LAIR1: variants seen among roughly 807,000 people sequenced by gnomAD.
The protein encoded by LAIR1 is leukocyte associated immunoglobulin like receptor 1, also known as leukocyte-associated immunoglobulin-like receptor 1.
A neutral mutation model predicts 32.8 loss-of-function variants in LAIR1; 24 were observed. That is an observed-to-expected ratio of 0.73 (90% CI 0.53 to 1.03). LAIR1 has a LOEUF of 1.03. Among genes scored for constraint, LAIR1 ranks in the 50% least tolerant of loss-of-function variants. The probability of loss-of-function intolerance (pLI) is 0.00; values close to 1 mark genes in which losing one functional copy is unlikely to be tolerated. For synonymous variants in LAIR1, 150 were observed against 140.5 expected, an observed-to-expected ratio of 1.07 and a Z score of -0.48; for missense variants, 355 against 347.5, an observed-to-expected ratio of 1.02 and a Z score of -0.17.
chr19:54,351,772 C>T lies in LAIR1; in HGVS notation c.*3496G>A, dbSNP rs1345583998. ...GAGAGTGTTTTAAATGGGGCTATGA[C>T]AGAGAAGGTAGACGAGGTGTTGGGC... On this transcript the variant is annotated 3_prime_UTR_variant, in exon 10 of 10. Transcript: ENST00000391742. 1 of 27,510 alleles carries T rather than the reference C, an allele frequency of 3.6e-5. No individual in the cohort carries two copies. Among genetic ancestry groups the T allele is most frequent in the Non-Finnish European group, 6.8e-5 (1 of 14,718 alleles). The allele number at this position is 27,510 out of a possible 1,614,324, so 1.7% of individuals were successfully genotyped here.
At chr19:54,356,672 T>G in intron 5 of LAIR1, 53 bp from the exon 6 acceptor site, 4 of 1,551,728 alleles carry the variant, frequency 2.6e-6, no homozygotes, top group Non-Finnish European at 3.6e-6. Context: ...GAGCACCTAC[T>G]GTATACCACA....
chr19:54,374,033 G>C (rs1421684217), upstream of LAIR1, among the ~76,000 whole-genome samples: 1 of 152,194 alleles, frequency 6.6e-6, no homozygotes, highest in Non-Finnish European at 1.5e-5. Flanking sequence ...AAAGTCCCTT[G>C]GTGGGGGTAG....
At chr19:54,359,348 A>T (rs1011743570) in intron 4 of LAIR1, among the ~76,000 whole-genome samples, 9 of 151,388 alleles carry the variant, frequency 5.9e-5, no homozygotes, top group Non-Finnish European at 1.2e-4. Context: ...GGGCAGCTTC[A>T]ATCCCATCAC....
In LAIR1 at chr19:54,356,015, GA is replaced by G. The variant is rs748642547; in HGVS notation, c.665-10del. Reference sequence around the variant, plus strand: ...ATTGACTGTGGCCTTGTCTTGGGGAGAAAATACATGGTCAGTTTTCTGGGGA... The same window carrying G: ...ATTGACTGTGGCCTTGTCTTGGGGAGAAATACATGGTCAGTTTTCTGGGGA... On this transcript the variant is annotated splice_polypyrimidine_tract_variant and intron_variant, in intron 8 of 9. Coordinates refer to ENST00000391742, the MANE Select transcript of LAIR1 (RefSeq NM_002287.6). 3 of 1,604,854 alleles carry G rather than the reference GA, an allele frequency of 1.9e-6. No homozygotes were observed. The South Asian group carries it at 3.3e-5, about 18-fold the overall frequency.
exon 1 of LAIR1, chr19:54,370,424 G>A (rs4281841): frequency 0.067 from 37,154 of 552,932 alleles, 4,199 homozygotes; most frequent in African/African-American, 0.38. Context: ...GGCTTTCCAC[G>A]GGCTGCCACC....
intron 4 of LAIR1, chr19:54,358,125 A>G (rs961623271): frequency 1.0e-4 from 15 of 145,478 alleles, no homozygotes; most frequent in Non-Finnish European, 1.9e-4. Context: ...TATTCACTAT[A>G]ATATATAATG....
At chr19:54,366,644 A>G (rs908918825), upstream of LAIR1, among the ~76,000 whole-genome samples, 1 of 151,840 alleles carries the variant, frequency 6.6e-6, no homozygotes, top group African/African-American at 2.4e-5. Flanking sequence ...ACCCACCACC[A>G]CGCCCGGCTA....
rs199714928 is a variant in LAIR1 at position 54,354,437 on chromosome 19, T to G, written c.*831A>C. On this transcript the variant is annotated 3_prime_UTR_variant, in exon 10 of 10. Transcript: ENST00000391742. ...TTCAGAATATCTAATGTATCGTATCTGTGGCGATGGGTGCGCTGAGGAATT... is the reference window on the plus strand; with the variant it reads ...TTCAGAATATCTAATGTATCGTATCGGTGGCGATGGGTGCGCTGAGGAATT... The G allele has an allele frequency of 6.6e-6, 1 of 152,248 alleles. No individual in the cohort carries two copies. The highest frequency in any genetic ancestry group is 6.5e-5 in the Admixed American group (1 of 15,282). 9.4% of individuals were successfully genotyped at this position (152,248 alleles called of 1,614,324 possible). A position where few individuals can be genotyped will look rare whatever the true frequency, so the allele number is the denominator to read the frequency against.
intron 5 of LAIR1, 89 bp from the exon 6 acceptor site, chr19:54,356,708 T>C (rs1247630723): frequency 8.2e-6 from 11 of 1,335,564 alleles, no homozygotes; most frequent in Non-Finnish European, 1.1e-5. Flanking sequence ...TTTCATAGAC[T>C]TACTAATATA....
In LAIR1 at chr19:54,355,221, T is replaced by C. The variant is rs542269242; in HGVS notation, c.*47A>G. 1 of 1,497,560 alleles carries C rather than the reference T, an allele frequency of 6.7e-7. No individual in the cohort carries two copies. The highest frequency in any genetic ancestry group is 9.0e-7 in the Non-Finnish European group (1 of 1,116,590). The allele number at this position is 1,497,560 out of a possible 1,614,324, so 92.8% of individuals were successfully genotyped here. A position where few individuals can be genotyped will look rare whatever the true frequency, so the allele number is the denominator to read the frequency against. ...CCAAATGGCTGCTTCAGGCTTTTCC[T>C]AGAGTGACTTTCTACCCTCAGGTGC... On this transcript the variant is annotated 3_prime_UTR_variant, in exon 10 of 10. Coordinates refer to ENST00000391742, the MANE Select transcript of LAIR1 (RefSeq NM_002287.6). This position sits in a 1 kb window ranked among gnomAD's most constrained non-coding sequence, Gnocchi z 4.7.
rs574160060 is a variant in LAIR1, at chr19:54,370,057, G to A, written c.16+205C>T. ...TTCCTGAGCAACCCTGGCTTGGCTC[G>A]GCCAAAGGGAAGCGTCTACAGAATC... is the stretch of plus-strand genomic sequence containing the variant. On this transcript the variant is annotated intron_variant, in intron 1 of 8. Coordinates refer to the LAIR1 transcript ENST00000391743. 6.7e-4 allele frequency among the ~76,000 whole-genome samples: 99 copies of A among 147,700 alleles called. 3 individuals carry two copies. The highest frequency in any genetic ancestry group is 1.0e-3 in the Admixed American group (15 of 14,966).
upstream of LAIR1, among the ~76,000 whole-genome samples, chr19:54,372,263 C>T (rs1002332857): frequency 4.0e-5 from 6 of 151,594 alleles, 1 homozygote; most frequent in African/African-American, 1.2e-4. Flanking sequence ...TGAGAGTTCC[C>T]GTTGCTCCAC....
intron 2 of LAIR1, among the ~76,000 whole-genome samples, chr19:54,362,638 C>A (rs1251372134): frequency 1.3e-5 from 2 of 152,200 alleles, no homozygotes; most frequent in Non-Finnish European, 2.9e-5. Context: ...GTGCACTCCA[C>A]CACGCCCAGC....
chr19:54,368,521 C>G (rs1295380512), upstream of LAIR1: 2 of 152,066 alleles, frequency 1.3e-5, no homozygotes, highest in African/African-American at 4.8e-5. Flanking sequence ...TCAAAGGATC[C>G]TTTGCACACA....
upstream of LAIR1, among the ~76,000 whole-genome samples, chr19:54,368,910 C>T (rs995763612): frequency 2.0e-5 from 3 of 151,120 alleles, no homozygotes; most frequent in African/African-American, 7.4e-5. Context: ...TGGTCTCGAA[C>T]TCCCGACCTC....
At position 54,351,899 on chromosome 19, in the gene LAIR1, A is replaced by T. The variant is rs1408124185; in HGVS notation, c.*3369T>A. 1.3e-5 allele frequency: 2 copies of T among 152,152 alleles called. No individual in the cohort carries two copies. The highest frequency in any genetic ancestry group is 2.9e-5 in the Non-Finnish European group (2 of 68,028). The allele number at this position is 152,152 out of a possible 1,614,324, so 9.4% of individuals were successfully genotyped here. Reference sequence around the variant, plus strand: ...AAAAAGTTAAAAAAAAGAAAAAAAAAGTCCACCCTATAGTTTGTATAACAA... The same window carrying T: ...AAAAAGTTAAAAAAAAGAAAAAAAATGTCCACCCTATAGTTTGTATAACAA... On this transcript the variant is annotated 3_prime_UTR_variant, in exon 10 of 10. Transcript: ENST00000391742.
upstream of LAIR1, among the ~76,000 whole-genome samples, chr19:54,367,395 C>T (rs2082288062): frequency 6.6e-6 from 1 of 152,144 alleles, no homozygotes; most frequent in East Asian, 1.9e-4. Context: ...CATAAGACAG[C>T]AATCCATCTA....
At chr19:54,361,231 A>G in intron 2 of LAIR1, 22 bp from the exon 3 acceptor site, 1 of 1,611,870 alleles carries the variant, frequency 6.2e-7, no homozygotes. Context: ...GCAGAGCAGG[A>G]TCTCAGCGTC....
rs1213012757 is a variant in LAIR1, at chr19:54,364,481, T to C, written c.35-151A>G. On this transcript the variant is annotated intron_variant, in intron 1 of 9. Coordinates refer to ENST00000391742, the MANE Select transcript of LAIR1 (RefSeq NM_002287.6). This position sits in a 1 kb window ranked among gnomAD's most constrained non-coding sequence, Gnocchi z 4.8. ...CGACATCACTGTCTCCATGTAATCCTTCTTGCTGCAAAATGGTTTCAAGAT... is the reference window on the plus strand; with the variant it reads ...CGACATCACTGTCTCCATGTAATCCCTCTTGCTGCAAAATGGTTTCAAGAT... 1.2e-6 allele frequency: 1 copy of C among 801,620 alleles called. No homozygotes were observed. Among genetic ancestry groups the C allele is most frequent in the Non-Finnish European group, 2.2e-6 (1 of 461,630 alleles). 49.7% of individuals were successfully genotyped at this position (801,620 alleles called of 1,614,324 possible).
Sources: gnomAD v4.1 joint callset for allele counts (sites outside exome capture counted in the v4.1 genomes callset) on GRCh38, gnomAD v4.1.1 for gene constraint, Gnocchi (gnomAD v3.1) non-coding constraint, MANE v1.5 for transcripts, NCBI Gene and HGNC (gene_info 2026-07-23, HGNC 2026-07-21) for gene names.